The following COMMD1 variants were observed in gnomAD, a reference collection of about 807,000 sequenced individuals.
The protein encoded by COMMD1 is copper metabolism domain containing 1.
COMMD1 carries 10 observed loss-of-function variants against 17.2 expected under a neutral mutation model. The ratio of observed to expected loss-of-function variants is 0.58; its 90% confidence interval spans 0.36 to 0.99. The LOEUF (loss-of-function observed/expected upper bound fraction) is 0.99, where lower values mean the gene tolerates loss of function less well. Ranked by LOEUF, COMMD1 falls within the 50% of genes least tolerant of loss-of-function variation. The pLI is 0.01. For missense variants in COMMD1, 270 were observed against 231.8 expected (o/e 1.17, Z -1.07); for synonymous variants, 97 against 91.6 (o/e 1.06, Z -0.34).
intron 1 of COMMD1, among the ~76,000 whole-genome samples, chr2:61,946,953 C>T (rs574900269): frequency 1.3e-5 from 2 of 152,188 alleles, no homozygotes; most frequent in African/African-American, 4.8e-5. Context: ...GTTTTGTTTA[C>T]GTATATAAAT....
At chr2:62,104,851 C>T (rs1032801138) in intron 2 of COMMD1, among the ~76,000 whole-genome samples, 4 of 151,854 alleles carry the variant, frequency 2.6e-5, no homozygotes, top group African/African-American at 4.8e-5. Flanking sequence ...TATGACTGGG[C>T]GCAGTAGCTC....
intron 1 of COMMD1, among the ~76,000 whole-genome samples, chr2:61,910,383 G>A (rs930739186): frequency 3.3e-5 from 5 of 151,706 alleles, no homozygotes; most frequent in African/African-American, 1.2e-4. Flanking sequence ...GAGTAGCTGG[G>A]ATTACAGACA....
chr2:61,936,987 G>C (rs1051718940), intron 1 of COMMD1, among the ~76,000 whole-genome samples: 7 of 152,196 alleles, frequency 4.6e-5, no homozygotes, highest in East Asian at 3.9e-4. Flanking sequence ...GATATGGAAG[G>C]GTGGGACAAC....
intron 1 of COMMD1, among the ~76,000 whole-genome samples, chr2:62,000,321 G>A (rs1668892343): frequency 1.4e-5 from 2 of 146,956 alleles, no homozygotes; most frequent in African/African-American, 5.1e-5. Context: ...CACCCAGGCT[G>A]GAGTGCAGTG....
At chr2:62,122,124 A>G (rs1041713682) in intron 2 of COMMD1, among the ~76,000 whole-genome samples, 12 of 152,202 alleles carry the variant, frequency 7.9e-5, no homozygotes, top group Admixed American at 2.0e-4. Context: ...CCTTTAATGC[A>G]TGAGAAATTA....
chr2:62,122,597 A>G (rs1183857665), intron 2 of COMMD1, among the ~76,000 whole-genome samples: 2 of 152,258 alleles, frequency 1.3e-5, no homozygotes, highest in Non-Finnish European at 2.9e-5. Context: ...GTTTAGCTGT[A>G]CATAATTCAT....
chr2:61,911,401 G>A (rs1669902365), intron 1 of COMMD1, among the ~76,000 whole-genome samples: 1 of 151,972 alleles, frequency 6.6e-6, no homozygotes, highest in Non-Finnish European at 1.5e-5. Context: ...GCTTGAACCT[G>A]GGAGGTGGAG....
intron 1 of COMMD1, among the ~76,000 whole-genome samples, chr2:61,930,106 AG>A (rs1417632057): frequency 6.6e-6 from 1 of 152,170 alleles, no homozygotes; most frequent in East Asian, 1.9e-4. Context: ...GTTCAGTAAA[AG>A]GAGAAATTCT....
rs532464214 is a variant in COMMD1, at chr2:62,011,616, A to G, written c.462+10634A>G. ...CGTAACTCACTATAAAGCATCTCCT[A>G]TGTGTCAGACACTACATAGGAGTTG... is the stretch of plus-strand genomic sequence containing the variant. On this transcript the variant is annotated intron_variant, in intron 2 of 2. Coordinates refer to ENST00000311832, the MANE Select transcript of COMMD1 (RefSeq NM_152516.4). 2.0e-5 allele frequency among the ~76,000 whole-genome samples: 3 copies of G among 152,074 alleles called. No individual in the cohort carries two copies. The East Asian group carries it at 5.8e-4, about 29-fold the overall frequency.
chr2:61,991,438 A>G (rs1672250988), intron 1 of COMMD1, among the ~76,000 whole-genome samples: 1 of 152,230 alleles, frequency 6.6e-6, no homozygotes, highest in Non-Finnish European at 1.5e-5. Context: ...TCAAGGTGTT[A>G]GATGATGTAT....
chr2:62,037,422 T>A (rs12614102), intron 2 of COMMD1, among the ~76,000 whole-genome samples: 20,065 of 152,256 alleles, frequency 0.13, 1,605 homozygotes, highest in East Asian at 0.21. Flanking sequence ...AAACTCTATG[T>A]GGCCATGATC....
rs555562441 is a variant in COMMD1 at position 62,051,977 on chromosome 2, A to C, written c.462+50995A>C. On this transcript the variant is annotated intron_variant, in intron 2 of 2. Coordinates refer to ENST00000311832, the MANE Select transcript of COMMD1 (RefSeq NM_152516.4). The stretch of plus-strand genomic sequence containing the variant: ...TTATATTGGAAGAATAGTAATAAAA[A>C]GTTCCTCATCTCCTTTCTCAGAGAA... 2.6e-5 allele frequency among the ~76,000 whole-genome samples: 4 copies of C among 152,324 alleles called. No individual in the cohort carries two copies. The East Asian group carries it at 7.7e-4, about 29-fold the overall frequency.
intron 2 of COMMD1, among the ~76,000 whole-genome samples, chr2:62,041,577 G>A (rs767960566): frequency 9.9e-5 from 15 of 152,084 alleles, no homozygotes; most frequent in Non-Finnish European, 1.8e-4. Context: ...TTTGTGTGGA[G>A]ATGAGGTTTC....
chr2:62,075,682 C>G (rs1219082646), intron 2 of COMMD1, among the ~76,000 whole-genome samples: 1 of 152,206 alleles, frequency 6.6e-6, no homozygotes, highest in Non-Finnish European at 1.5e-5. Flanking sequence ...TTCCGCTACC[C>G]TGGCCCTAGA....
At chr2:62,127,587 T>C (rs1672918542) in intron 2 of COMMD1, among the ~76,000 whole-genome samples, 1 of 152,126 alleles carries the variant, frequency 6.6e-6, no homozygotes, top group African/African-American at 2.4e-5. Flanking sequence ...TCTACAACCA[T>C]CTGATCCTCA....
chr2:61,964,623 A>G (rs1362153442), intron 1 of COMMD1, among the ~76,000 whole-genome samples: 1 of 151,848 alleles, frequency 6.6e-6, no homozygotes, highest in African/African-American at 2.4e-5. Context: ...TCACGAGGTT[A>G]GGAGTTCAAG....
At chr2:62,000,240 A>G (rs1467401632) in intron 1 of COMMD1, among the ~76,000 whole-genome samples, 8 of 146,036 alleles carry the variant, frequency 5.5e-5, no homozygotes, top group Non-Finnish European at 1.2e-4. Context: ...CTGTCCCTTG[A>G]TGACCTTTTA....
At chr2:62,007,176 G>A (rs1017115892) in intron 2 of COMMD1, among the ~76,000 whole-genome samples, 2 of 151,972 alleles carry the variant, frequency 1.3e-5, no homozygotes, top group African/African-American at 4.8e-5. Context: ...GTAAGTTTTA[G>A]TTTAAGCACT....
intron 1 of COMMD1, among the ~76,000 whole-genome samples, chr2:61,947,744 G>A (rs1365890963): frequency 6.7e-6 from 1 of 149,470 alleles, no homozygotes; most frequent in Non-Finnish European, 1.5e-5. Flanking sequence ...GGAGAAGTGG[G>A]GTACTGTATG....
Sources: gnomAD v4.1 joint callset for allele counts (sites outside exome capture counted in the v4.1 genomes callset) on GRCh38, gnomAD v4.1.1 for gene constraint, MANE v1.5 for transcripts, NCBI Gene and HGNC (gene_info 2026-07-23, HGNC 2026-07-21) for gene names.